URB1: variants seen among roughly 807,000 people sequenced by gnomAD.
The protein encoded by URB1 is URB1 ribosome biogenesis factor, also known as nucleolar pre-ribosomal-associated protein 1.
A neutral mutation model predicts 242.3 loss-of-function variants in URB1; 197 were observed. The ratio of observed to expected loss-of-function variants is 0.81; its 90% CI spans 0.72 to 0.91. The LOEUF is 0.91. Among genes scored for constraint, URB1 ranks in the 40% least tolerant of loss-of-function variants. The probability of loss-of-function intolerance (pLI) is 0.00; values close to 1 mark genes in which losing one functional copy is unlikely to be tolerated. For synonymous variants in URB1, 1,153 were observed against 1,201.8 expected, an observed-to-expected ratio of 0.96 and a Z score of 0.84; for missense variants, 2,721 against 2,860.5, an observed-to-expected ratio of 0.95 and a Z score of 1.11.
chr21:32,350,053 GCAGA>G (rs538425333), intron 20 of URB1, among the ~76,000 whole-genome samples: 1,753 of 151,270 alleles, frequency 0.012, 18 homozygotes, highest in Non-Finnish European at 0.02. Context: ...AACCCGGGAG[GCAGA>G]GGTTGCAGTG....
At chr21:32,376,412 T>C (rs1284203450) in intron 5 of URB1, among the ~76,000 whole-genome samples, 1 of 152,142 alleles carries the variant, frequency 6.6e-6, no homozygotes, top group African/African-American at 2.4e-5. Context: ...AAAAGCAAAT[T>C]CATTATTTGT....
intron 1 of URB1, among the ~76,000 whole-genome samples, chr21:32,387,301 AGAGAATCACTTGAACCTGCCTCTCG>A (rs1386639302): frequency 6.6e-6 from 1 of 152,150 alleles, no homozygotes; most frequent in Non-Finnish European, 1.5e-5. Context: ...ACTGCCTTTC[AGAGAATCACTTGAACCTGCCTCTCG>A]GAGAATCACT....
chr21:32,392,837 G>A lies in URB1; in HGVS notation c.74C>T (p.Ala25Val), dbSNP rs974187005. ...CACGCCCGTGAGCTCTTCTTTGCGG[G>A]CGCGCTTGGCTGCACCCGCGGAGGA... ...AASSAGAAKR[A>V]RKEELTGVRF... Residue 25 changes from alanine (A) to valine (V), a missense_variant, in exon 1 of 39, where the codon GCC becomes GTC. Transcript: ENST00000382751. 2.0e-6 allele frequency: 3 copies of A among 1,532,856 alleles called. No individual in the cohort carries two copies. The highest frequency in any genetic ancestry group is 2.6e-6 in the Non-Finnish European group (3 of 1,145,028). The allele number at this position is 1,532,856 out of a possible 1,614,324, so 95.0% of individuals were successfully genotyped here.
intron 13 of URB1, among the ~76,000 whole-genome samples, 154 bp downstream of exon 13, chr21:32,360,853 A>G (rs2033274735): frequency 6.6e-6 from 1 of 152,206 alleles, no homozygotes; most frequent in Admixed American, 6.5e-5. Context: ...AAGACCAGCT[A>G]TTTAAAAAAT....
Position 32,354,844 on chromosome 21 carries a change from C to A in URB1, c.2245+15G>T, listed in dbSNP as rs1272936413. On this transcript the variant is annotated intron_variant, in intron 17 of 38. Coordinates refer to ENST00000382751, the MANE Select transcript of URB1 (RefSeq NM_014825.3). ...CTTCAGACCTCTGAGCAGCGCAGAA[C>A]AGAATGGAACATACCGTCAATGTGG... 3.9e-6 allele frequency: 6 copies of A among 1,551,330 alleles called. No individual in the cohort carries two copies. The highest frequency in any genetic ancestry group is 5.2e-6 in the Non-Finnish European group (6 of 1,146,598).
rs1265858997 is a variant in URB1 at position 32,361,086 on chromosome 21, G to C, written c.1677C>G (p.Leu559=). The C allele has an allele frequency of 6.5e-7, 1 of 1,547,340 alleles. No individual in the cohort carries two copies. The highest frequency in any genetic ancestry group is 1.4e-5 in the African/African-American group (1 of 71,988). The change falls in exon 13 of 39, where the codon CTC becomes CTG. Residue 559 remains leucine (L), a synonymous_variant. Coordinates refer to ENST00000382751, the MANE Select transcript of URB1 (RefSeq NM_014825.3). ...CCTTCTGGTAGAGGCATATGACCTGGAGCAAAACAGCTTTCAAAAGAATGG... is the reference window on the plus strand; with the variant it reads ...CCTTCTGGTAGAGGCATATGACCTGCAGCAAAACAGCTTTCAAAAGAATGG... The part of the protein sequence containing the change: ...AETILLKAVL[L]QVICLYQKVV...
chr21:32,367,308 C>A (rs1295655929), intron 9 of URB1, among the ~76,000 whole-genome samples: 1 of 152,140 alleles, frequency 6.6e-6, no homozygotes, highest in Non-Finnish European at 1.5e-5. Context: ...CTCACCCCTC[C>A]CCTATCCTAC....
chr21:32,323,394 A>G (rs2032790949), intron 32 of URB1, among the ~76,000 whole-genome samples: 1 of 152,208 alleles, frequency 6.6e-6, no homozygotes, highest in African/African-American at 2.4e-5. Flanking sequence ...GTGGTCCCTG[A>G]TGGTACCAAC....
chr21:32,323,734 A>G lies in URB1; in HGVS notation c.5233+757T>C, dbSNP rs1475788323. ...ACACCTGTAATCCCAGCACTTTGGG[A>G]GGCTGAAGCAGGAGGATCGCTTGAG... On this transcript the variant is annotated intron_variant, in intron 32 of 38. Transcript: ENST00000382751. Among the ~76,000 whole-genome samples the G allele has an allele frequency of 2.0e-5, 3 of 152,130 alleles. No homozygotes were observed. The East Asian group carries it at 5.8e-4, about 29-fold the overall frequency.
Position 32,338,833 on chromosome 21 carries a change from C to G in URB1, c.4384G>C (p.Glu1462Gln). 1 of 1,551,568 alleles carries G rather than the reference C, an allele frequency of 6.4e-7. No individual in the cohort carries two copies. Among genetic ancestry groups the G allele is most frequent in the African/African-American group, 1.4e-5 (1 of 73,054 alleles). ...ATGAGCTTCGTGCGCACGGAGCTTTCTGGGCTGTACAGGAGCTGTACGGCG... is the reference window on the plus strand; with the variant it reads ...ATGAGCTTCGTGCGCACGGAGCTTTGTGGGCTGTACAGGAGCTGTACGGCG... Reference protein sequence around the residue: ...LTAVQLLYSPESSVRTKLIQL... With the variant: ...LTAVQLLYSPQSSVRTKLIQL... Residue 1462 changes from glutamate to glutamine, a missense_variant, in exon 26 of 39, where the codon GAA (glutamate) becomes CAA (glutamine). Transcript: ENST00000382751.
At chr21:32,338,600 T>C in intron 26 of URB1, 107 bp downstream of exon 26, 1 of 1,271,690 alleles carries the variant, frequency 7.9e-7, no homozygotes, top group African/African-American at 1.5e-5. Context: ...TGGCAATGCT[T>C]CCTTAGCTCC....
chr21:32,361,049 C>A lies in URB1; in HGVS notation c.1714G>T (p.Val572Leu). ...ICLYQKVVPH[V>L]VMQYNFDFSK... ...AAGTCAAAGTTGTACTGCATGACCA[C>A]GTGGGGGACCACCTTCTGGTAGAGG... is the stretch of plus-strand genomic sequence containing the variant. The change falls in exon 13 of 39, where the codon GTG becomes TTG. Residue 572 changes from valine to leucine, a missense_variant. Coordinates refer to ENST00000382751, the MANE Select transcript of URB1 (RefSeq NM_014825.3). The A allele has an allele frequency of 1.3e-6, 2 of 1,551,170 alleles. No individual in the cohort carries two copies. The highest frequency in any genetic ancestry group is 1.2e-5 in the South Asian group (1 of 84,004).
rs758719527 is a variant in URB1 at position 32,347,720 on chromosome 21, G to A, written c.3104C>T (p.Thr1035Met). The part of the protein sequence containing the change: ...ALEQQALPPH[T>M]LSPVLVKLLA... Reference sequence around the variant, plus strand: ...GAGCTTCACGAGGACAGGGCTGAGCGTGTGCGGCGGGAGGGCCTGCTGCTC... The same window carrying A: ...GAGCTTCACGAGGACAGGGCTGAGCATGTGCGGCGGGAGGGCCTGCTGCTC... The change falls in exon 22 of 39, where the codon ACG becomes ATG. Residue 1035 changes from threonine (T) to methionine (M), a missense_variant. By Grantham distance (81) the Thr-to-Met change is moderately conservative. Coordinates refer to ENST00000382751, the MANE Select transcript of URB1 (RefSeq NM_014825.3). 2.4e-5 allele frequency: 37 copies of A among 1,550,608 alleles called. No homozygotes were observed. The highest frequency in any genetic ancestry group is 1.2e-4 in the East Asian group (5 of 40,934).
intron 30 of URB1, among the ~76,000 whole-genome samples, chr21:32,329,755 T>C (rs1388231693): frequency 6.6e-6 from 1 of 152,236 alleles, no homozygotes; most frequent in African/African-American, 2.4e-5. Context: ...CAATTTAGGA[T>C]TGCAGTTAGT....
intron 25 of URB1, among the ~76,000 whole-genome samples, 154 bp from the exon 26 acceptor site, chr21:32,339,054 G>A (rs570679579): frequency 3.3e-5 from 5 of 152,238 alleles, no homozygotes; most frequent in African/African-American, 9.6e-5. Context: ...GAGTACAGTG[G>A]TGCAATCTCA....
intron 9 of URB1, among the ~76,000 whole-genome samples, chr21:32,366,968 C>T (rs1225080897): frequency 6.6e-6 from 1 of 152,130 alleles, no homozygotes; most frequent in African/African-American, 2.4e-5. Context: ...GAGAAAGGAC[C>T]TTCAGAGCAG....
rs1490218873 is a variant in URB1 at position 32,311,912 on chromosome 21, A to C, written c.*3006T>G. 2.2e-5 allele frequency: 35 copies of C among 1,613,700 alleles called. No homozygotes were observed. The highest frequency in any genetic ancestry group is 2.7e-5 in the Non-Finnish European group (32 of 1,180,044). ...AGACCCACCCCACTCTCCTCTGGGA[A>C]CTGACCCTCAATGGGGGTCCCCTCG... is the stretch of plus-strand genomic sequence containing the variant. On this transcript the variant is annotated 3_prime_UTR_variant, in exon 39 of 39. Transcript: ENST00000382751.
rs1188808121 is a variant in URB1, at chr21:32,384,388, C to A, written c.359G>T (p.Gly120Val). 1 of 1,552,120 alleles carries A rather than the reference C, an allele frequency of 6.4e-7. No individual in the cohort carries two copies. ...ASDLSHFHVV[G>V]TNIVKKLMNN... ...CATCAGCTTTTTCACAATGTTGGTT[C>A]CCACAACATGGAAATGTGAAAGATC... is the stretch of plus-strand genomic sequence containing the variant. Residue 120 changes from glycine to valine, a missense_variant, in exon 3 of 39, where the codon GGA becomes GTA. Transcript: ENST00000382751.
At position 32,325,278 on chromosome 21, in the gene URB1, G is replaced by T. The variant is rs773258370; in HGVS notation, c.5072C>A (p.Ala1691Glu). Residue 1691 changes from alanine to glutamate, a missense_variant, in exon 31 of 39, where the codon GCG (alanine) becomes GAG (glutamate). Physicochemically the swap from Ala to Glu is moderately radical, Grantham distance 107 (BLOSUM62 -1). Transcript: ENST00000382751. Reference sequence around the variant, plus strand: ...GCCCTCCAAGTGCGAGTAGTAGGCCGCCAGGACATGGTAGGCTATGGCTCG... The same window carrying T: ...GCCCTCCAAGTGCGAGTAGTAGGCCTCCAGGACATGGTAGGCTATGGCTCG... Reference protein sequence around the residue: ...QMRAIAYHVLAAYYSHLEGAR... With the variant: ...QMRAIAYHVLEAYYSHLEGAR... 5.8e-6 allele frequency: 9 copies of T among 1,551,704 alleles called. No homozygotes were observed. The highest frequency in any genetic ancestry group is 1.2e-5 in the South Asian group (1 of 84,062).
Sources: gnomAD v4.1 joint callset for allele counts (sites outside exome capture counted in the v4.1 genomes callset) on GRCh38, gnomAD v4.1.1 for gene constraint, MANE v1.5 for transcripts, NCBI Gene and HGNC (gene_info 2026-07-23, HGNC 2026-07-21) for gene names.